Variants in JARID2 observed in about 807,000 individuals in gnomAD.
JARID2 encodes jumonji and AT-rich interaction domain containing 2, also known as protein Jumonji.
In JARID2, 21 loss-of-function variants were observed where a neutral mutation model predicts 125.6. The observed-to-expected ratio is 0.17, with a 90% confidence interval of 0.12 to 0.24. The LOEUF is 0.24. Among genes scored for constraint, JARID2 ranks in the 10% least tolerant of loss-of-function variants. JARID2 has a pLI of 1.00. For missense variants in JARID2, 1,303 were observed against 1,639.6 expected (o/e 0.79, Z 3.55); for synonymous variants, 736 against 661.6 (o/e 1.11, Z -1.73).
chr6:15,472,621 G>T (rs553914191), intron 5 of JARID2, among the ~76,000 whole-genome samples: 1 of 152,188 alleles, frequency 6.6e-6, no homozygotes, highest in Non-Finnish European at 1.5e-5. Flanking sequence ...AAGCCATGGG[G>T]CTGTGCAGTC....
At chr6:15,325,739 C>T (rs1283027423) in intron 1 of JARID2, among the ~76,000 whole-genome samples, 1 of 152,112 alleles carries the variant, frequency 6.6e-6, no homozygotes, top group Non-Finnish European at 1.5e-5. Flanking sequence ...TGGGAGTTTC[C>T]AAGGCGAAAA....
intron 2 of JARID2, among the ~76,000 whole-genome samples, chr6:15,398,596 T>C (rs933007599): frequency 6.6e-5 from 10 of 152,224 alleles, no homozygotes; most frequent in Admixed American, 3.3e-4. Context: ...CTTCCTGGCC[T>C]GACAGACACA....
chr6:15,321,585 G>A (rs1483839725), intron 1 of JARID2, among the ~76,000 whole-genome samples: 1 of 151,988 alleles, frequency 6.6e-6, no homozygotes, highest in Non-Finnish European at 1.5e-5. Flanking sequence ...TATCTACTTC[G>A]TAACTTGTCA....
chr6:15,275,223 G>A (rs1360454656), intron 1 of JARID2, among the ~76,000 whole-genome samples: 1 of 152,100 alleles, frequency 6.6e-6, no homozygotes, highest in Non-Finnish European at 1.5e-5. Context: ...TGGCTCTTGG[G>A]GTCAGTAGCA....
chr6:15,424,495 C>T (rs1766636937), intron 3 of JARID2, among the ~76,000 whole-genome samples: 1 of 152,156 alleles, frequency 6.6e-6, no homozygotes, highest in East Asian at 1.9e-4. Context: ...AAGTAATACT[C>T]TGTCCCTGGG....
chr6:15,319,636 C>G (rs544943096), intron 1 of JARID2, among the ~76,000 whole-genome samples: 85 of 152,260 alleles, frequency 5.6e-4, no homozygotes, highest in Non-Finnish European at 8.7e-4. Flanking sequence ...GAACTCCTGT[C>G]CTCAAGTGAT....
intron 2 of JARID2, among the ~76,000 whole-genome samples, chr6:15,404,770 G>T (rs1371634975): frequency 1.3e-5 from 2 of 152,194 alleles, no homozygotes; most frequent in East Asian, 3.8e-4. Context: ...GTGTGCTCCA[G>T]ATGTTTTAGA....
At chr6:15,294,623 A>G (rs778667264) in intron 1 of JARID2, among the ~76,000 whole-genome samples, 1 of 152,232 alleles carries the variant, frequency 6.6e-6, no homozygotes, top group Non-Finnish European at 1.5e-5. Flanking sequence ...TGTGCATCAC[A>G]TACAGATTTG....
intron 12 of JARID2, among the ~76,000 whole-genome samples, chr6:15,510,647 T>C (rs968660691): frequency 6.6e-6 from 1 of 152,086 alleles, no homozygotes; most frequent in Admixed American, 6.5e-5. Flanking sequence ...TGATGCCGGG[T>C]AGGCTGGGTC....
intron 8 of JARID2, among the ~76,000 whole-genome samples, chr6:15,504,231 C>T (rs1334994922): frequency 8.0e-6 from 1 of 125,078 alleles, no homozygotes; most frequent in Non-Finnish European, 2.0e-5. Flanking sequence ...TGCGTCCGCT[C>T]AGGGCCTCTG....
chr6:15,418,497 G>A (rs1390373685), intron 3 of JARID2, among the ~76,000 whole-genome samples: 2 of 152,198 alleles, frequency 1.3e-5, no homozygotes, highest in Non-Finnish European at 2.9e-5. Flanking sequence ...ACAGGCATAT[G>A]AGCCACTGTG....
chr6:15,446,715 G>A (rs1364151020), intron 3 of JARID2, among the ~76,000 whole-genome samples: 1 of 152,222 alleles, frequency 6.6e-6, no homozygotes, highest in African/African-American at 2.4e-5. Context: ...TTTTGAGACA[G>A]CTTAAATGGT....
chr6:15,421,505 A>G (rs1260677061), intron 3 of JARID2, among the ~76,000 whole-genome samples: 1 of 152,208 alleles, frequency 6.6e-6, no homozygotes, highest in Non-Finnish European at 1.5e-5. Flanking sequence ...TATAATAAAA[A>G]TAGTAAACTC....
At chr6:15,269,449 A>G (rs1382579434) in intron 1 of JARID2, among the ~76,000 whole-genome samples, 1 of 150,378 alleles carries the variant, frequency 6.6e-6, no homozygotes, top group African/African-American at 2.5e-5. Flanking sequence ...GCATCCTTGA[A>G]CTCTTGGGCT....
chr6:15,509,263 C>T, intron 12 of JARID2: 1 of 1,199,706 alleles, frequency 8.3e-7, no homozygotes, highest in East Asian at 5.8e-5. Flanking sequence ...AATCAGATGT[C>T]TTGTCGTCTG....
intron 3 of JARID2, among the ~76,000 whole-genome samples, chr6:15,436,292 A>G (rs1767197693): frequency 6.6e-6 from 1 of 152,228 alleles, no homozygotes. Flanking sequence ...ACCTCTCAGC[A>G]GATGGGAGAG....
intron 1 of JARID2, among the ~76,000 whole-genome samples, chr6:15,340,786 A>G (rs1763042364): frequency 6.6e-6 from 1 of 152,164 alleles, no homozygotes; most frequent in Admixed American, 6.5e-5. Context: ...TTAGTGGGAA[A>G]AATGTGAGTG....
chr6:15,380,664 G>T (rs3915734), intron 2 of JARID2, among the ~76,000 whole-genome samples: 1 of 152,140 alleles, frequency 6.6e-6, no homozygotes, highest in Non-Finnish European at 1.5e-5. Flanking sequence ...GTGGGACATT[G>T]TGTAGCCAAC....
chr6:15,514,287 C>T (rs1475764260), intron 16 of JARID2, among the ~76,000 whole-genome samples: 2 of 152,248 alleles, frequency 1.3e-5, no homozygotes, highest in Admixed American at 6.5e-5. Context: ...CAGCACTACA[C>T]ACCTTAGCCT....
Sources: allele counts gnomAD v4.1 joint callset (sites outside exome capture counted in the v4.1 genomes callset), GRCh38; gene constraint gnomAD v4.1.1; transcripts MANE v1.5; gene names NCBI Gene and HGNC (gene_info 2026-07-23, HGNC 2026-07-21).